The following RIT2 variants were observed in gnomAD, a reference collection of about 807,000 sequenced individuals.
RIT2 encodes GTP-binding protein Rit2.
In RIT2, 24 loss-of-function variants were observed where a neutral mutation model predicts 23.7. The ratio of observed to expected loss-of-function variants is 1.01; its 90% confidence interval spans 0.73 to 1.43. The LOEUF (loss-of-function observed/expected upper bound fraction) is 1.43, where lower values mean the gene tolerates loss of function less well. Ranked by LOEUF, RIT2 falls within the 40% of genes most tolerant of loss-of-function variation. The pLI, the probability that RIT2 is intolerant of heterozygous loss-of-function variation, is 0.00. For missense variants in RIT2, 236 were observed against 266.9 expected (o/e 0.88, Z 0.81); for synonymous variants, 107 against 91.1 (o/e 1.17, Z -0.99).
rs114589813 is a variant in RIT2 at position 43,112,304 on chromosome 18, T to C, written c.103+3113A>G. On this transcript the variant is annotated intron_variant, in intron 1 of 4. Transcript: ENST00000326695. ...TATTTTTCTGACCTCTGTTTTTTCA[T>C]CTGTGAAATAGAAATACCGACTCTG... Among the ~76,000 whole-genome samples the C allele has an allele frequency of 3.4e-3, 524 of 152,260 alleles. 2 individuals are homozygous for C. Among genetic ancestry groups the C allele is most frequent in the African/African-American group, 0.011 (440 of 41,554 alleles).
At chr18:42,967,184 C>A (rs1910248007) in intron 3 of RIT2, among the ~76,000 whole-genome samples, 1 of 151,928 alleles carries the variant, frequency 6.6e-6, no homozygotes, top group Non-Finnish European at 1.5e-5. Context: ...CTATATATAT[C>A]TATCTCCACA....
Position 42,884,005 on chromosome 18 carries a change from A to G in RIT2, c.426+39567T>C, listed in dbSNP as rs7229754. The stretch of plus-strand genomic sequence containing the variant: ...AACATTTGCAAGCCAATAAACTTCT[A>G]TGTAATAACCCAAATAAACCCAAAT... On this transcript the variant is annotated intron_variant, in intron 4 of 4. Transcript: ENST00000326695. 8.1e-3 allele frequency among the ~76,000 whole-genome samples: 1,241 copies of G among 152,352 alleles called. 19 individuals are homozygous for G. The highest frequency in any genetic ancestry group is 0.028 in the African/African-American group (1,183 of 41,590).
chr18:42,757,038 G>A (rs1485023580), intron 4 of RIT2, among the ~76,000 whole-genome samples: 2 of 152,104 alleles, frequency 1.3e-5, no homozygotes, highest in South Asian at 2.1e-4. Context: ...ACACCTCAAT[G>A]CTTTGCAAGT....
chr18:43,114,283 G>C (rs1014123182), intron 1 of RIT2, among the ~76,000 whole-genome samples: 14 of 151,906 alleles, frequency 9.2e-5, no homozygotes, highest in Non-Finnish European at 1.8e-4. Flanking sequence ...AAGAGGTAGG[G>C]GTGCTGAATT....
chr18:42,832,562 A>C (rs73470087), intron 4 of RIT2, among the ~76,000 whole-genome samples: 1 of 152,140 alleles, frequency 6.6e-6, no homozygotes, highest in South Asian at 2.1e-4. Context: ...CAATTTTTGT[A>C]CATATTTATG....
intron 3 of RIT2, among the ~76,000 whole-genome samples, chr18:42,938,420 A>G (rs1030284438): frequency 1.3e-5 from 2 of 152,172 alleles, no homozygotes; most frequent in Non-Finnish European, 2.9e-5. Context: ...CTTCTCACCT[A>G]ATTTTTAAGA....
At chr18:42,891,927 T>C (rs915264476) in intron 4 of RIT2, among the ~76,000 whole-genome samples, 15 of 152,242 alleles carry the variant, frequency 9.9e-5, no homozygotes, top group Middle Eastern at 3.4e-3. Flanking sequence ...GATTTATTGA[T>C]TGTGACAAAT....
At chr18:43,077,416 T>C (rs1299342898) in intron 1 of RIT2, among the ~76,000 whole-genome samples, 4 of 150,954 alleles carry the variant, frequency 2.6e-5, no homozygotes, top group Admixed American at 1.3e-4. Context: ...AAATACTCTT[T>C]TCTTGAACAT....
chr18:42,951,264 C>A (rs986483072), intron 3 of RIT2, among the ~76,000 whole-genome samples: 4 of 152,012 alleles, frequency 2.6e-5, no homozygotes, highest in African/African-American at 9.7e-5. Context: ...TAAATGAAAT[C>A]ATGTCCTTTG....
chr18:42,981,734 A>G (rs756144295), intron 2 of RIT2, among the ~76,000 whole-genome samples: 23 of 152,152 alleles, frequency 1.5e-4, no homozygotes, highest in African/African-American at 5.1e-4. Context: ...AAATATATAA[A>G]TATGACAGAA....
intron 4 of RIT2, among the ~76,000 whole-genome samples, chr18:42,877,372 G>T (rs577939853): frequency 6.6e-6 from 1 of 151,142 alleles, no homozygotes; most frequent in East Asian, 1.9e-4. Flanking sequence ...TCTCTATGAG[G>T]GTAACTTTGT....
chr18:42,908,896 C>A (rs990128441), intron 4 of RIT2, among the ~76,000 whole-genome samples: 1 of 152,040 alleles, frequency 6.6e-6, no homozygotes, highest in Non-Finnish European at 1.5e-5. Flanking sequence ...TTAGTACAAC[C>A]ACTACGGAAA....
At chr18:42,800,455 A>G (rs1326185155) in intron 4 of RIT2, among the ~76,000 whole-genome samples, 2 of 152,114 alleles carry the variant, frequency 1.3e-5, no homozygotes. Flanking sequence ...ATATGGAAGT[A>G]AATGTCAGAG....
At chr18:42,896,061 C>T (rs1361257598) in intron 4 of RIT2, among the ~76,000 whole-genome samples, 7 of 152,088 alleles carry the variant, frequency 4.6e-5, no homozygotes, top group African/African-American at 7.2e-5. Flanking sequence ...GTCAGGAGTT[C>T]GAGACCAGCC....
intron 1 of RIT2, among the ~76,000 whole-genome samples, chr18:43,050,865 C>T (rs1912364374): frequency 6.6e-6 from 1 of 152,098 alleles, no homozygotes; most frequent in Admixed American, 6.6e-5. Flanking sequence ...CTCCATGCCC[C>T]TTCCCCTATA....
At chr18:43,080,025 G>A (rs1913117871) in intron 1 of RIT2, among the ~76,000 whole-genome samples, 1 of 152,178 alleles carries the variant, frequency 6.6e-6, no homozygotes, top group African/African-American at 2.4e-5. Context: ...TATTCAAAAA[G>A]TAATTAAAGA....
intron 4 of RIT2, among the ~76,000 whole-genome samples, chr18:42,910,746 G>T (rs1156573348): frequency 6.6e-6 from 1 of 152,012 alleles, no homozygotes; most frequent in Non-Finnish European, 1.5e-5. Context: ...CTTTCCAGTG[G>T]ATTAATTTGC....
At chr18:43,075,641 G>A (rs12606164) in intron 1 of RIT2, among the ~76,000 whole-genome samples, 24,088 of 152,012 alleles carry the variant, frequency 0.16, 2,620 homozygotes, top group East Asian at 0.55. Flanking sequence ...GCTTGTTTCT[G>A]AGTCTAAATA....
intron 4 of RIT2, among the ~76,000 whole-genome samples, chr18:42,865,224 T>C (rs576831012): frequency 2.3e-4 from 35 of 152,286 alleles, no homozygotes; most frequent in African/African-American, 6.7e-4. Context: ...TGATGACTGA[T>C]TGTGCATAGC....
Sources: allele counts gnomAD v4.1 joint callset (sites outside exome capture counted in the v4.1 genomes callset), GRCh38; gene constraint gnomAD v4.1.1; transcripts MANE v1.5; gene names NCBI Gene and HGNC (gene_info 2026-07-23, HGNC 2026-07-21).